Variants in PTCD2 observed in about 807,000 individuals in gnomAD.
PTCD2 encodes the protein pentatricopeptide repeat domain 2.
Under a neutral mutation model 42.6 loss-of-function variants are expected in PTCD2, and 31 were observed. The observed-to-expected ratio is 0.73, with a 90% confidence interval of 0.55 to 0.98. The LOEUF is 0.98. Ranked by LOEUF, PTCD2 falls within the 50% of genes least tolerant of loss-of-function variation. The pLI, the probability that PTCD2 is intolerant of heterozygous loss-of-function variation, is 0.00. For synonymous variants in PTCD2, 183 were observed against 170.9 expected, an observed-to-expected ratio of 1.07 and a Z score of -0.55; for missense variants, 476 against 454.8, an observed-to-expected ratio of 1.05 and a Z score of -0.42.
chr5:72,336,019 GT>G, intron 6 of PTCD2, 134 bp downstream of exon 6: 1 of 595,524 alleles, frequency 1.7e-6, no homozygotes, highest in Non-Finnish European at 2.9e-6. Flanking sequence ...AATTTTAAAT[GT>G]TTTTATTTTT....
chr5:72,336,025 AT>A (rs1561384093), intron 6 of PTCD2, 140 bp downstream of exon 6: 1 of 595,888 alleles, frequency 1.7e-6, no homozygotes. Flanking sequence ...AAATGTTTTT[AT>A]TTTTAGAAAA....
Position 72,362,871 on chromosome 5 carries a change from A to C in PTCD2, c.*4444A>C, listed in dbSNP as rs755588031. ...AGGAGGTGCTCATTACAGAGTGGCC[A>C]AATTCCTACTGAAGAATGGACTTGG... On this transcript the variant is annotated 3_prime_UTR_variant, in exon 10 of 10. Transcript: ENST00000380639. 6.6e-6 allele frequency: 1 copy of C among 152,234 alleles called. No individual in the cohort carries two copies. The highest frequency in any genetic ancestry group is 1.5e-5 in the Non-Finnish European group (1 of 68,036). 9.4% of individuals were successfully genotyped at this position (152,234 alleles called of 1,614,324 possible).
rs1331701711 is a variant in PTCD2, at chr5:72,362,405, T to G, written c.*3978T>G. 1.3e-5 allele frequency: 2 copies of G among 152,242 alleles called. No homozygotes were observed. Among genetic ancestry groups the G allele is most frequent in the African/African-American group, 2.4e-5 (1 of 41,454 alleles). The allele number at this position is 152,242 out of a possible 1,614,324, so 9.4% of individuals were successfully genotyped here. On this transcript the variant is annotated 3_prime_UTR_variant, in exon 10 of 10. Coordinates refer to ENST00000380639, the MANE Select transcript of PTCD2 (RefSeq NM_024754.5). ...ACACCAAATGCTGGTGTCTTGTTCT[T>G]GGATTTCCCAGCCTTCAGAACTGTG...
chr5:72,340,675 T>C (rs983553413), intron 7 of PTCD2, among the ~76,000 whole-genome samples: 2 of 152,198 alleles, frequency 1.3e-5, no homozygotes, highest in African/African-American at 2.4e-5. Context: ...CTTGGTATTT[T>C]AAATTATTTT....
rs1269711563 is a variant in PTCD2 at position 72,331,447 on chromosome 5, A to G, written c.468+72A>G. ...TGATATTGGAAAAGGCATGTCTTCT[A>G]TGTACATTATTCCTGGGTTAGATTT... is the stretch of plus-strand genomic sequence containing the variant. On this transcript the variant is annotated intron_variant, in intron 4 of 9. Transcript: ENST00000380639. 5.8e-6 allele frequency: 6 copies of G among 1,039,434 alleles called. No individual in the cohort carries two copies. The East Asian group carries it at 7.2e-5, about 12-fold the overall frequency. 64.4% of individuals were successfully genotyped at this position (1,039,434 alleles called of 1,614,324 possible).
At chr5:72,324,545 C>G (rs1561374971) in intron 2 of PTCD2, among the ~76,000 whole-genome samples, 1 of 152,164 alleles carries the variant, frequency 6.6e-6, no homozygotes, top group Non-Finnish European at 1.5e-5. Context: ...CTGATTTCAG[C>G]CCTTTCCTTT....
chr5:72,326,155 T>A (rs1165519616), intron 2 of PTCD2, among the ~76,000 whole-genome samples: 1 of 152,232 alleles, frequency 6.6e-6, no homozygotes. Flanking sequence ...CAAACCTACC[T>A]TCAACTCACA....
intron 9 of PTCD2, among the ~76,000 whole-genome samples, chr5:72,355,432 T>A (rs1281353938): frequency 6.6e-6 from 1 of 152,180 alleles, no homozygotes; most frequent in Non-Finnish European, 1.5e-5. Flanking sequence ...AATTTAATTT[T>A]AAAAAATTAA....
chr5:72,342,018 C>G (rs908025793), intron 7 of PTCD2, among the ~76,000 whole-genome samples: 2 of 151,618 alleles, frequency 1.3e-5, no homozygotes, highest in African/African-American at 4.9e-5. Flanking sequence ...GCACTCCAGC[C>G]TGGGCAACAG....
At chr5:72,353,958 A>G (rs1334699915) in intron 9 of PTCD2, among the ~76,000 whole-genome samples, 2 of 152,230 alleles carry the variant, frequency 1.3e-5, no homozygotes, top group Non-Finnish European at 2.9e-5. Context: ...TTTCAGTCAA[A>G]ATCCAAATCA....
At chr5:72,345,800 A>G (rs1030027070) in intron 8 of PTCD2, among the ~76,000 whole-genome samples, 1 of 152,212 alleles carries the variant, frequency 6.6e-6, no homozygotes, top group Admixed American at 6.5e-5. Flanking sequence ...TGTTCAATGA[A>G]TATTTGCTAA....
intron 8 of PTCD2, 86 bp from the exon 9 acceptor site, chr5:72,352,555 A>G (rs1752673066): frequency 6.2e-6 from 4 of 647,528 alleles, no homozygotes; most frequent in Non-Finnish European, 8.1e-6. Flanking sequence ...GGTGCCTATA[A>G]ATGAAGGCTT....
intron 9 of PTCD2, among the ~76,000 whole-genome samples, chr5:72,355,429 T>C (rs1240315438): frequency 6.6e-6 from 1 of 152,170 alleles, no homozygotes; most frequent in Non-Finnish European, 1.5e-5. Context: ...TTAAATTTAA[T>C]TTTAAAAAAT....
At chr5:72,336,710 CAAAA>C (rs57573366) in intron 6 of PTCD2, among the ~76,000 whole-genome samples, 1 of 86,582 alleles carries the variant, frequency 1.2e-5, no homozygotes, top group Admixed American at 1.3e-4. Context: ...GACTCTGTCT[CAAAA>C]AAAAAAAAAA....
chr5:72,326,635 A>G lies in PTCD2; in HGVS notation c.244A>G (p.Lys82Glu), dbSNP rs1040700421. The G allele has an allele frequency of 2.5e-6, 4 of 1,614,192 alleles. No homozygotes were observed. The highest frequency in any genetic ancestry group is 1.3e-5 in the African/African-American group (1 of 75,050). ...TKETYFRNLKKKLTQNKLILK... is the reference protein window; with the variant it reads ...TKETYFRNLKEKLTQNKLILK... ...AGAAACGTATTTTAGAAACTTGAAA[A>G]AGAAACTGACCCAGAACAAGCTCAT... Residue 82 changes from lysine (K) to glutamate (E), a missense_variant, in exon 3 of 10, where the codon AAG becomes GAG. Coordinates refer to ENST00000380639, the MANE Select transcript of PTCD2 (RefSeq NM_024754.5).
At position 72,361,294 on chromosome 5, in the gene PTCD2, A is replaced by G. The variant is rs1169124040; in HGVS notation, c.*2867A>G. On this transcript the variant is annotated 3_prime_UTR_variant, in exon 10 of 10. Transcript: ENST00000380639. ...CTAAGTACTGACTGGGCTCAGCCAG[A>G]CAGTTCTTATTCGGGTTCTCATGCA... The G allele has an allele frequency of 3.3e-5, 5 of 152,170 alleles. No individual in the cohort carries two copies. Among genetic ancestry groups the G allele is most frequent in the African/African-American group, 1.2e-4 (5 of 41,436 alleles). The allele number at this position is 152,170 out of a possible 1,614,324, so 9.4% of individuals were successfully genotyped here.
chr5:72,357,844 A>G (rs1216711258), intron 9 of PTCD2, among the ~76,000 whole-genome samples: 3 of 147,924 alleles, frequency 2.0e-5, no homozygotes, highest in Admixed American at 1.3e-4. Flanking sequence ...GGTGTATACC[A>G]TACTTTTTTT....
chr5:72,328,479 A>G (rs956455997), intron 3 of PTCD2, among the ~76,000 whole-genome samples: 1 of 152,240 alleles, frequency 6.6e-6, no homozygotes, highest in African/African-American at 2.4e-5. Context: ...GCCTGGCCAG[A>G]CCAAAGTCAA....
intron 2 of PTCD2, among the ~76,000 whole-genome samples, chr5:72,324,165 GC>G (rs1402559177): frequency 6.6e-6 from 1 of 152,154 alleles, no homozygotes; most frequent in Non-Finnish European, 1.5e-5. Flanking sequence ...TGCAGTTAGG[GC>G]TTCATGTCAT....
Sources: allele counts gnomAD v4.1 joint callset (sites outside exome capture counted in the v4.1 genomes callset), GRCh38; gene constraint gnomAD v4.1.1; transcripts MANE v1.5; gene names NCBI Gene and HGNC (gene_info 2026-07-23, HGNC 2026-07-21).